Variants in BEND4 observed in about 807,000 individuals in gnomAD.
BEND4 encodes BEN domain-containing protein 4.
In BEND4, 27 loss-of-function variants were observed where a neutral mutation model predicts 54.7. The observed-to-expected ratio is 0.49, with a 90% CI of 0.36 to 0.68. The LOEUF is 0.68. BEND4 is among the 30% of genes least tolerant of loss of function. The probability of loss-of-function intolerance (pLI) is 0.00; values close to 1 mark genes in which losing one functional copy is unlikely to be tolerated. For synonymous variants in BEND4, 327 were observed against 299.5 expected, an observed-to-expected ratio of 1.09 and a Z score of -0.95; for missense variants, 702 against 697.2, an observed-to-expected ratio of 1.01 and a Z score of -0.08.
Position 42,123,694 on chromosome 4 carries a change from G to GAAAAAA in BEND4, c.1146+1883_1146+1888dup, listed in dbSNP as rs71664396. Among the ~76,000 whole-genome samples the GAAAAAA allele has an allele frequency of 5.5e-3, 278 of 50,728 alleles. 8 individuals carry two copies. Among genetic ancestry groups the GAAAAAA allele is most frequent in the African/African-American group, 0.017 (232 of 13,278 alleles). 33.3% of individuals were successfully genotyped at this position (50,728 alleles called of 152,430 possible). A position where few individuals can be genotyped will look rare whatever the true frequency, so the allele number is the denominator to read the frequency against. On this transcript the variant is annotated intron_variant, in intron 4 of 5. Transcript: ENST00000502486. ...ATATTTACTTTGGATCTGTAATTCA[G>GAAAAAA]AAAAAAAAAAAAAAAAAAAAAAACA...
intron 3 of BEND4, among the ~76,000 whole-genome samples, chr4:42,134,700 T>A (rs542851092): frequency 6.6e-6 from 1 of 152,332 alleles, no homozygotes; most frequent in South Asian, 2.1e-4. Flanking sequence ...CTATGAAAAG[T>A]GCTTGCTTGC....
chr4:42,144,665 G>A (rs1056559497), intron 2 of BEND4, among the ~76,000 whole-genome samples: 20 of 152,134 alleles, frequency 1.3e-4, no homozygotes, highest in African/African-American at 4.6e-4. Flanking sequence ...TTAGGCTGAC[G>A]TGTATCATTT....
In BEND4 at chr4:42,152,086, G is replaced by A; in HGVS notation, c.58C>T (p.Gln20Ter). The change falls in exon 2 of 6, where the codon CAG becomes TAG. Residue 20 changes from glutamine (Q) to a stop codon, truncating the protein, a stop_gained. Coordinates refer to ENST00000502486, the MANE Select transcript of BEND4 (RefSeq NM_207406.4). LOFTEE classifies it high-confidence loss of function. The stretch of plus-strand genomic sequence containing the variant: ...TTGAGGACGCTGTAGGGGCTGCGCT[G>A]CTTGTAGATTTTGGGGACGCTGGGC... ...EGPSVPKIYK[Q>*]RSPYSVLKTF... 2 of 1,251,108 alleles carry A rather than the reference G, an allele frequency of 1.6e-6. No homozygotes were observed. Among genetic ancestry groups the A allele is most frequent in the Non-Finnish European group, 2.0e-6 (2 of 989,430 alleles). The allele number at this position is 1,251,108 out of a possible 1,614,324, so 77.5% of individuals were successfully genotyped here.
intron 3 of BEND4, among the ~76,000 whole-genome samples, chr4:42,138,412 T>C (rs967736828): frequency 9.2e-5 from 14 of 152,056 alleles, no homozygotes; most frequent in African/African-American, 3.4e-4. Context: ...AAATAGTAGC[T>C]ACAAGGGGTG....
At chr4:42,133,132 T>C (rs1250002386) in intron 3 of BEND4, among the ~76,000 whole-genome samples, 1 of 152,226 alleles carries the variant, frequency 6.6e-6, no homozygotes, top group African/African-American at 2.4e-5. Flanking sequence ...TAGTGTAAAC[T>C]ATTGTCATTT....
At chr4:42,139,531 G>T (rs1720812881) in intron 3 of BEND4, among the ~76,000 whole-genome samples, 2 of 150,682 alleles carry the variant, frequency 1.3e-5, no homozygotes, top group Admixed American at 1.3e-4. Flanking sequence ...AGACTGATAG[G>T]CTTGTTTATT....
At chr4:42,138,997 CCT>C (rs1278413389) in intron 3 of BEND4, among the ~76,000 whole-genome samples, 20 of 152,124 alleles carry the variant, frequency 1.3e-4, no homozygotes, top group Non-Finnish European at 2.6e-4. Flanking sequence ...TTATATTTGC[CCT>C]CTTTTATGAG....
intron 4 of BEND4, among the ~76,000 whole-genome samples, chr4:42,123,224 G>A (rs980613925): frequency 4.6e-5 from 7 of 152,052 alleles, no homozygotes; most frequent in Non-Finnish European, 8.8e-5. Context: ...TAATAAAAAC[G>A]AGAAAATGCT....
At chr4:42,125,758 T>A (rs1435584383) in intron 3 of BEND4, 84 bp from the exon 4 acceptor site, 26 of 869,506 alleles carry the variant, frequency 3.0e-5, no homozygotes, top group East Asian at 5.6e-5. Context: ...TTTTTTTTTT[T>A]AAACAGAGGT....
intron 5 of BEND4, among the ~76,000 whole-genome samples, chr4:42,119,179 A>G (rs1021399122): frequency 6.6e-5 from 10 of 152,122 alleles, no homozygotes. Context: ...ATTCTTTCCA[A>G]TAACTAGGGC....
intron 3 of BEND4, among the ~76,000 whole-genome samples, chr4:42,134,687 G>A (rs1008438948): frequency 3.3e-5 from 5 of 152,282 alleles, no homozygotes; most frequent in South Asian, 2.1e-4. Context: ...TCTGCATGAC[G>A]TGCTATGAAA....
Position 42,117,453 on chromosome 4 carries a change from G to A in BEND4, c.*65C>T. ...CAGGCTTTGGACTCTCAGGTGACAG[G>A]AACAGGACATTCACAATTGGAACTC... On this transcript the variant is annotated 3_prime_UTR_variant, in exon 6 of 6. Transcript: ENST00000502486. 1.7e-6 allele frequency: 2 copies of A among 1,167,172 alleles called. No individual in the cohort carries two copies. Among genetic ancestry groups the A allele is most frequent in the Non-Finnish European group, 2.5e-6 (2 of 805,934 alleles). The allele number at this position is 1,167,172 out of a possible 1,614,324, so 72.3% of individuals were successfully genotyped here.
intron 2 of BEND4, among the ~76,000 whole-genome samples, chr4:42,150,467 A>G (rs962696374): frequency 6.6e-6 from 1 of 152,270 alleles, no homozygotes; most frequent in East Asian, 1.9e-4. Context: ...AATATTGACA[A>G]ACAACAGAAT....
At chr4:42,145,284 C>T (rs1721037280) in intron 2 of BEND4, among the ~76,000 whole-genome samples, 2 of 152,188 alleles carry the variant, frequency 1.3e-5, no homozygotes, top group Non-Finnish European at 2.9e-5. Flanking sequence ...CAGGAGAACT[C>T]CATGCAGTGC....
intron 4 of BEND4, among the ~76,000 whole-genome samples, chr4:42,122,692 G>A (rs1475584929): frequency 3.3e-5 from 5 of 152,082 alleles, no homozygotes; most frequent in South Asian, 2.1e-4. Flanking sequence ...GTAAATATTC[G>A]TCAGCCTTAA....
At chr4:42,136,834 C>T (rs1048898973) in intron 3 of BEND4, among the ~76,000 whole-genome samples, 7 of 152,216 alleles carry the variant, frequency 4.6e-5, no homozygotes, top group African/African-American at 1.7e-4. Flanking sequence ...AGTTATAGTG[C>T]TGTTACTCAA....
In BEND4 at chr4:42,113,846, G is replaced by A. The variant is rs1177514423; in HGVS notation, c.*3672C>T. 2 of 152,094 alleles carry A rather than the reference G, an allele frequency of 1.3e-5. No homozygotes were observed. Among genetic ancestry groups the A allele is most frequent in the Non-Finnish European group, 2.9e-5 (2 of 68,018 alleles). 9.4% of individuals were successfully genotyped at this position (152,094 alleles called of 1,614,324 possible). ...AATATGTCTCGAATCCCCTACAAAA[G>A]GAGATAACAATTTTCTGCAAATGCT... On this transcript the variant is annotated 3_prime_UTR_variant, in exon 6 of 6. Transcript: ENST00000502486.
Position 42,152,130 on chromosome 4 carries a change from A to G in BEND4, c.14T>C (p.Met5Thr). Residue 5 changes from methionine (M) to threonine (T), a missense_variant, in exon 2 of 6, where the codon ATG becomes ACG. Met to Thr is a moderately conservative substitution (Grantham distance 81). Coordinates refer to ENST00000502486, the MANE Select transcript of BEND4 (RefSeq NM_207406.4). MEEE[M>T]QPAEEGPSVP... Reference sequence around the variant, plus strand: ...GCTGGGCCCCTCCTCTGCCGGCTGCATCTCTTCCTCCATCCGGCGCCTCGG... The same window carrying G: ...GCTGGGCCCCTCCTCTGCCGGCTGCGTCTCTTCCTCCATCCGGCGCCTCGG... The G allele has an allele frequency of 1.6e-6, 2 of 1,245,134 alleles. No homozygotes were observed. Among genetic ancestry groups the G allele is most frequent in the Non-Finnish European group, 2.0e-6 (2 of 986,104 alleles). 77.1% of individuals were successfully genotyped at this position (1,245,134 alleles called of 1,614,324 possible).
intron 3 of BEND4, 32 bp downstream of exon 3, chr4:42,143,396 G>A: frequency 6.8e-7 from 1 of 1,478,658 alleles, no homozygotes; most frequent in Non-Finnish European, 9.3e-7. Flanking sequence ...AAGAAGGGTT[G>A]CAGTTGTCTT....
Sources: gnomAD v4.1 joint callset for allele counts (sites outside exome capture counted in the v4.1 genomes callset) on GRCh38, gnomAD v4.1.1 for gene constraint, MANE v1.5 for transcripts, NCBI Gene and HGNC (gene_info 2026-07-23, HGNC 2026-07-21) for gene names.